Variants in CHM observed in about 807,000 individuals in gnomAD.
CHM encodes rab proteins geranylgeranyltransferase component A 1.
CHM carries 10 observed loss-of-function variants against 49.0 expected under a neutral mutation model. The ratio of observed to expected loss-of-function variants is 0.20; its 90% CI spans 0.13 to 0.35. The LOEUF is 0.35. CHM is among the 10% of genes least tolerant of loss of function. The pLI, the probability that CHM is intolerant of heterozygous loss-of-function variation, is 1.00. For synonymous variants in CHM, 184 were observed against 167.5 expected (o/e 1.10, Z -0.76); for missense variants, 455 against 478.4 (o/e 0.95, Z 0.46).
chrX:85,913,338 AAG>A (rs1569411159), intron 8 of CHM, among the ~76,000 whole-genome samples: 6 of 68,925 alleles, frequency 8.7e-5, no homozygotes, highest in African/African-American at 2.5e-4. Context: ...AAAAAAAAGA[AAG>A]AAAGAAAGAA....
chrX:85,986,528 A>G (rs191328200), intron 2 of CHM, among the ~76,000 whole-genome samples: 1 of 111,817 alleles, frequency 8.9e-6, no homozygotes, highest in Non-Finnish European at 1.9e-5. Context: ...CACCTACTGG[A>G]TGACACGCCA....
At chrX:86,025,732 A>G (rs760978750) in intron 2 of CHM, among the ~76,000 whole-genome samples, 1 of 110,503 alleles carries the variant, frequency 9.0e-6, no homozygotes, top group South Asian at 3.8e-4. Context: ...AAAAGAAAAA[A>G]AAAACACATA....
chrX:86,027,424 T>C (rs1390566884), intron 2 of CHM, 67 bp downstream of exon 2: 1 of 855,132 alleles, frequency 1.2e-6, no homozygotes, highest in Non-Finnish European at 1.7e-6. Flanking sequence ...ATATATGTGT[T>C]TATGTAAATT....
chrX:85,980,892 A>G (rs1931553573), intron 3 of CHM, among the ~76,000 whole-genome samples: 1 of 110,499 alleles, frequency 9.0e-6, no homozygotes, highest in South Asian at 3.8e-4. Context: ...ATTCATACTA[A>G]ATTTCTTTGA....
intron 2 of CHM, among the ~76,000 whole-genome samples, chrX:86,026,663 T>G (rs2147790036): frequency 8.9e-6 from 1 of 112,238 alleles, no homozygotes; most frequent in African/African-American, 3.2e-5. Flanking sequence ...AAAAGAAGAT[T>G]AACTCATGTT....
intron 4 of CHM, among the ~76,000 whole-genome samples, chrX:85,964,626 G>A (rs1374348629): frequency 2.7e-5 from 3 of 111,990 alleles, no homozygotes; most frequent in Non-Finnish European, 5.6e-5. Context: ...TGATACGACA[G>A]AAGACCTTCA....
chrX:85,981,747 T>C lies in CHM; in HGVS notation c.179A>G (p.Lys60Arg). 1 of 1,193,511 alleles carries C rather than the reference T, an allele frequency of 8.4e-7. No individual in the cohort carries two copies. Among genetic ancestry groups the C allele is most frequent in the South Asian group, 1.8e-5 (1 of 55,397 alleles). The change falls in exon 3 of 15, where the codon AAG becomes AGG. Residue 60 changes from lysine to arginine, a missense_variant. By Grantham distance (26) the Lys-to-Arg change is conservative (BLOSUM62 2). Transcript: ENST00000357749. ...FSFSGLLSWL[K>R]EYQENSDIVS... ...AGATACAAACTTTACCTGGTATTCC[T>C]TTAGCCAGGACAATAGTCCTGAAAA...
At chrX:86,019,381 C>A (rs1029349091) in intron 2 of CHM, among the ~76,000 whole-genome samples, 2 of 110,926 alleles carry the variant, frequency 1.8e-5, no homozygotes, top group African/African-American at 6.6e-5. Flanking sequence ...AAATAAAGAG[C>A]TAAGAATTTA....
At chrX:85,954,950 G>T (rs916672425) in intron 8 of CHM, among the ~76,000 whole-genome samples, 2 of 109,375 alleles carry the variant, frequency 1.8e-5, no homozygotes, top group African/African-American at 6.7e-5. Context: ...TGACAACATG[G>T]ATGAAACTGG....
At chrX:85,884,199 C>T (rs1478140624) in intron 12 of CHM, among the ~76,000 whole-genome samples, 3 of 110,275 alleles carry the variant, frequency 2.7e-5, no homozygotes, top group Admixed American at 9.7e-5. Context: ...GTAACTTGAA[C>T]CAAATTAGCT....
intron 9 of CHM, chrX:85,903,791 G>T (rs760349454): frequency 2.1e-4 from 69 of 329,074 alleles, no homozygotes; most frequent in Admixed American, 1.0e-3. Context: ...GAAAAATCAA[G>T]GGCTATTGGT....
intron 4 of CHM, among the ~76,000 whole-genome samples, chrX:85,966,244 G>A (rs1250355128): frequency 2.8e-5 from 3 of 108,358 alleles, no homozygotes; most frequent in Non-Finnish European, 5.7e-5. Flanking sequence ...AGCTACTTGG[G>A]AGGCTGAGGC....
At chrX:86,015,668 G>A (rs1933268538) in intron 2 of CHM, among the ~76,000 whole-genome samples, 1 of 112,321 alleles carries the variant, frequency 8.9e-6, no homozygotes, top group Non-Finnish European at 1.9e-5. Context: ...GGTGGCCTCA[G>A]ATGGAGATGA....
At chrX:85,918,697 G>A (rs1927603431) in intron 8 of CHM, among the ~76,000 whole-genome samples, 1 of 111,950 alleles carries the variant, frequency 8.9e-6, no homozygotes. Flanking sequence ...AAAGTAAACA[G>A]TTGGAAAAAG....
chrX:85,874,833 A>G (rs908733800), intron 13 of CHM, among the ~76,000 whole-genome samples: 1 of 111,808 alleles, frequency 8.9e-6, no homozygotes, highest in Non-Finnish European at 1.9e-5. Context: ...CTCTTAGTAA[A>G]CTGATTAATG....
chrX:85,914,070 C>T (rs1225473393), intron 8 of CHM, among the ~76,000 whole-genome samples: 3 of 111,546 alleles, frequency 2.7e-5, no homozygotes, highest in Non-Finnish European at 5.7e-5. Context: ...TCACCTTTGT[C>T]ATGGACCTCT....
chrX:86,016,264 A>G (rs1603279741), intron 2 of CHM, among the ~76,000 whole-genome samples: 1 of 112,478 alleles, frequency 8.9e-6, no homozygotes, highest in African/African-American at 3.2e-5. Flanking sequence ...ATTCTGAAGA[A>G]AAACTCAAGC....
At chrX:86,009,506 C>T (rs1932967387) in intron 2 of CHM, among the ~76,000 whole-genome samples, 1 of 112,276 alleles carries the variant, frequency 8.9e-6, no homozygotes. Flanking sequence ...CAGGAGAGAG[C>T]TTACAGTCGT....
rs151230066 is a variant in CHM, at chrX:85,897,740, G to A, written c.1413+2906C>T. The stretch of plus-strand genomic sequence containing the variant: ...ACTGGTGGTGTGTGCTGAAGGTCCA[G>A]CTGAATAACGCTGGCACCCTTGTGT... On this transcript the variant is annotated intron_variant, in intron 11 of 14. Coordinates refer to ENST00000357749, the MANE Select transcript of CHM (RefSeq NM_000390.4). 1.9e-3 allele frequency among the ~76,000 whole-genome samples: 213 copies of A among 110,957 alleles called. 1 individual carries two copies. Among genetic ancestry groups the A allele is most frequent in the Middle Eastern group, 4.6e-3 (1 of 218 alleles).
Sources: gnomAD v4.1 joint callset for allele counts (sites outside exome capture counted in the v4.1 genomes callset) on GRCh38, gnomAD v4.1.1 for gene constraint, MANE v1.5 for transcripts, NCBI Gene and HGNC (gene_info 2026-07-23, HGNC 2026-07-21) for gene names.